MROH1: variants seen among roughly 807,000 people sequenced by gnomAD.
MROH1 encodes maestro heat-like repeat-containing protein family member 1.
MROH1 carries 117 observed loss-of-function variants against 116.5 expected under a neutral mutation model. The ratio of observed to expected loss-of-function variants is 1.00; its 90% CI spans 0.86 to 1.17. The LOEUF (loss-of-function observed/expected upper bound fraction) is 1.17. MROH1 is among the 50% of genes most tolerant of loss of function. MROH1 has a pLI of 0.00. For missense variants in MROH1, 1,873 were observed against 1,338.5 expected (o/e 1.40, Z -6.23); for synonymous variants, 921 against 583.9 (o/e 1.58, Z -8.32).
At position 144,249,328 on chromosome 8, in the gene MROH1, G is replaced by A. The variant is rs920611743; in HGVS notation, c.3273+299G>A. 1.2e-4 allele frequency among the ~76,000 whole-genome samples: 19 copies of A among 152,306 alleles called. No individual in the cohort carries two copies. The East Asian group carries it at 3.7e-3, about 29-fold the overall frequency. ...AGAGAATAAGGGGGGAAAAGGAAGT[G>A]AAAAGGCGGGTGAAAGCGCTCATGT... On this transcript the variant is annotated intron_variant, in intron 32 of 43. Coordinates refer to ENST00000326134, the MANE Select transcript of MROH1 (RefSeq NM_032450.3).
Position 144,255,521 on chromosome 8 carries a change from C to T in MROH1, c.3607C>T (p.Leu1203=). ...ACTTCTCCCCCAGGCTACCTGTGCA[C>T]TGTTTGAGGTCATGTCCACGCCTGC... ...TLLPLSATCA[L]FEVMSTPAAG... Residue 1203 remains leucine, a synonymous_variant, in exon 35 of 44, where the codon CTG becomes TTG. Transcript: ENST00000326134. 1 of 779,056 alleles carries T rather than the reference C, an allele frequency of 1.3e-6. No individual in the cohort carries two copies. The highest frequency in any genetic ancestry group is 2.4e-6 in the Non-Finnish European group (1 of 417,786). The allele number at this position is 779,056 out of a possible 1,614,324, so 48.3% of individuals were successfully genotyped here.
In MROH1 at chr8:144,204,510, C is replaced by T. The variant is rs140602528; in HGVS notation, c.1141+3969C>T. Among the ~76,000 whole-genome samples, 709 of 152,226 alleles carry T rather than the reference C, an allele frequency of 4.7e-3. 3 individuals carry two copies. The highest frequency in any genetic ancestry group is 0.016 in the African/African-American group (682 of 41,534). On this transcript the variant is annotated intron_variant, in intron 12 of 43. Transcript: ENST00000326134. ...GCTTCATGAATAATCACACAGTAAG[C>T]CTATGTATTTATTCACCAACCAGGT...
In MROH1 at chr8:144,220,525, C is replaced by T. The variant is rs558104838; in HGVS notation, c.1142-75C>T. 83 of 1,362,002 alleles carry T rather than the reference C, an allele frequency of 6.1e-5. 1 individual carries two copies. In the South Asian group the frequency reaches 9.8e-4, roughly 16 times the overall value. 84.4% of individuals were successfully genotyped at this position (1,362,002 alleles called of 1,614,324 possible). The stretch of plus-strand genomic sequence containing the variant: ...ACACGGGGACCACGGGGAAGCCAGG[C>T]CCCTGGTGATGTGGAATGGACCTTG... On this transcript the variant is annotated intron_variant, in intron 12 of 43. Transcript: ENST00000326134.
intron 1 of MROH1, among the ~76,000 whole-genome samples, chr8:144,155,638 CTT>C (rs1181004854): frequency 7.9e-5 from 10 of 125,960 alleles, no homozygotes; most frequent in Non-Finnish European, 5.1e-5. Context: ...AGGTGTTTTT[CTT>C]TTTTTTTTTT....
chr8:144,261,903 G>A lies in MROH1; in HGVS notation c.*163G>A. 1 of 662,834 alleles carries A rather than the reference G, an allele frequency of 1.5e-6. No homozygotes were observed. 41.1% of individuals were successfully genotyped at this position (662,834 alleles called of 1,614,324 possible). A position where few individuals can be genotyped will look rare whatever the true frequency, so the allele number is the denominator to read the frequency against. Reference sequence around the variant, plus strand: ...ACCCAAGCCCTTCAGTGAGGGATGTGCCCAATAAACTCATCTGCTCCCAGC... The same window carrying A: ...ACCCAAGCCCTTCAGTGAGGGATGTACCCAATAAACTCATCTGCTCCCAGC... On this transcript the variant is annotated 3_prime_UTR_variant, in exon 44 of 44. Coordinates refer to ENST00000326134, the MANE Select transcript of MROH1 (RefSeq NM_032450.3).
intron 14 of MROH1, among the ~76,000 whole-genome samples, chr8:144,227,787 A>G (rs575453252): frequency 6.6e-6 from 1 of 151,966 alleles, no homozygotes; most frequent in Non-Finnish European, 1.5e-5. Context: ...TTATCTCTAC[A>G]AATAATAAAA....
chr8:144,224,005 C>T (rs1247622514), intron 14 of MROH1, among the ~76,000 whole-genome samples: 1 of 152,194 alleles, frequency 6.6e-6, no homozygotes, highest in Non-Finnish European at 1.5e-5. Context: ...GGAAGCCGCA[C>T]ACATGCCTGT....
chr8:144,239,954 C>T lies in MROH1; in HGVS notation c.1775-147C>T, dbSNP rs1055629719. Reference sequence around the variant, plus strand: ...TGACCTGGGGCTTGAAAGGCACTCCCGCTGGGTGCTTCCTGGGAGCAGGTG... The same window carrying T: ...TGACCTGGGGCTTGAAAGGCACTCCTGCTGGGTGCTTCCTGGGAGCAGGTG... On this transcript the variant is annotated intron_variant, in intron 18 of 43. Transcript: ENST00000326134. The T allele has an allele frequency of 3.7e-4, 262 of 702,166 alleles. 1 individual carries two copies. The highest frequency in any genetic ancestry group is 3.6e-3 in the East Asian group (134 of 37,210). 43.5% of individuals were successfully genotyped at this position (702,166 alleles called of 1,614,324 possible).
chr8:144,199,246 A>G, intron 11 of MROH1, 46 bp downstream of exon 11: 1 of 1,576,810 alleles, frequency 6.3e-7, no homozygotes, highest in Non-Finnish European at 8.7e-7. Context: ...GTGGACACTC[A>G]CAGGGTCACT....
chr8:144,246,957 C>T (rs944497746), intron 29 of MROH1, among the ~76,000 whole-genome samples: 1 of 152,376 alleles, frequency 6.6e-6, no homozygotes, highest in Admixed American at 6.5e-5. Flanking sequence ...GCACTCCTCC[C>T]ATTTGGGGCC....
intron 34 of MROH1, 37 bp from the exon 35 acceptor site, chr8:144,255,472 G>A (rs1564573527): frequency 2.6e-6 from 2 of 774,652 alleles, no homozygotes; most frequent in Non-Finnish European, 2.4e-6. Flanking sequence ...CCTGCGGCCT[G>A]GAGGGAGGCA....
rs1046505131 is a variant in MROH1, at chr8:144,258,560, G to A, written c.3792-217G>A. Among the ~76,000 whole-genome samples, 3 of 152,310 alleles carry A rather than the reference G, an allele frequency of 2.0e-5. No individual in the cohort carries two copies. In the Middle Eastern group the frequency reaches 0.01, roughly 518 times the overall value. The stretch of plus-strand genomic sequence containing the variant: ...TGGCCACAGGCTGACCTTGCTACTA[G>A]CTCACCTCCAAGCCAACATCTGCGT... On this transcript the variant is annotated intron_variant, in intron 35 of 43. Transcript: ENST00000326134.
intron 26 of MROH1, 60 bp from the exon 27 acceptor site, chr8:144,244,162 A>G: frequency 1.4e-6 from 1 of 711,090 alleles, no homozygotes. Flanking sequence ...CCTGGAGGTT[A>G]CTGGGTGTCT....
rs939654629 is a variant in MROH1, at chr8:144,180,938, G to T, written c.562+415G>T. Among the ~76,000 whole-genome samples, 1 of 152,006 alleles carries T rather than the reference G, an allele frequency of 6.6e-6. No homozygotes were observed. The highest frequency in any genetic ancestry group is 1.5e-5 in the Non-Finnish European group (1 of 68,016). Reference sequence around the variant, plus strand: ...TCTGCCAGGAGCCCCATTCCTGGCAGCACTGCCCACAGCCCTCTGTGTGCC... The same window carrying T: ...TCTGCCAGGAGCCCCATTCCTGGCATCACTGCCCACAGCCCTCTGTGTGCC... On this transcript the variant is annotated intron_variant, in intron 7 of 43. Coordinates refer to ENST00000326134, the MANE Select transcript of MROH1 (RefSeq NM_032450.3). The surrounding 1 kb of genome is among the most constrained non-coding windows in gnomAD (Gnocchi z 7.4).
chr8:144,175,455 C>G (rs1823622038), intron 4 of MROH1: 3 of 978,824 alleles, frequency 3.1e-6, no homozygotes, highest in Non-Finnish European at 3.6e-6. Context: ...AGAACCAGAC[C>G]AATTTACACT....
At position 144,222,678 on chromosome 8, in the gene MROH1, A is replaced by C. The variant is rs1158590816; in HGVS notation, c.1216-430A>C. Among the ~76,000 whole-genome samples, 3 of 151,784 alleles carry C rather than the reference A, an allele frequency of 2.0e-5. No individual in the cohort carries two copies. The East Asian group carries it at 5.8e-4, about 29-fold the overall frequency. On this transcript the variant is annotated intron_variant, in intron 13 of 43. Transcript: ENST00000326134. ...TTCAGGTACAGGTGTGGGAGCAGGC[A>C]TAGGTGTGGATGTGGGTGCAGGTAG...
rs565574787 is a variant in MROH1 at position 144,225,300 on chromosome 8, T to G, written c.1338+2070T>G. Among the ~76,000 whole-genome samples, 295 of 152,332 alleles carry G rather than the reference T, an allele frequency of 1.9e-3. 1 individual carries two copies. Among genetic ancestry groups the G allele is most frequent in the Middle Eastern group, 3.4e-3 (1 of 294 alleles). The stretch of plus-strand genomic sequence containing the variant: ...CTGGGCACAAGTCCTTTGTTGGATT[T>G]ATGGCTTATAAATATGTATTTTTTT... On this transcript the variant is annotated intron_variant, in intron 14 of 43. Coordinates refer to ENST00000326134, the MANE Select transcript of MROH1 (RefSeq NM_032450.3).
chr8:144,223,877 G>A (rs929022255), intron 14 of MROH1, among the ~76,000 whole-genome samples: 2 of 152,214 alleles, frequency 1.3e-5, no homozygotes, highest in Non-Finnish European at 2.9e-5. Flanking sequence ...TTGTGTTCTC[G>A]TGACCATCAC....
intron 39 of MROH1, 30 bp downstream of exon 39, chr8:144,260,404 A>G (rs1416011314): frequency 1.3e-5 from 9 of 704,842 alleles, no homozygotes; most frequent in South Asian, 1.2e-4. Context: ...GGGAGGGAAG[A>G]GGGCCCCAGC....
Sources: gnomAD v4.1 joint callset for allele counts (sites outside exome capture counted in the v4.1 genomes callset) on GRCh38, gnomAD v4.1.1 for gene constraint, Gnocchi (gnomAD v3.1) non-coding constraint, MANE v1.5 for transcripts, NCBI Gene and HGNC (gene_info 2026-07-23, HGNC 2026-07-21) for gene names.